The following TENM1 variants were observed in gnomAD, a reference collection of about 807,000 sequenced individuals.
The protein encoded by TENM1 is teneurin transmembrane protein 1, also known as teneurin-1.
In TENM1, 35 loss-of-function variants were observed where a neutral mutation model predicts 174.8. The ratio of observed to expected loss-of-function variants is 0.20; its 90% CI spans 0.15 to 0.27. The LOEUF (loss-of-function observed/expected upper bound fraction) is 0.27. TENM1 is among the 10% of genes least tolerant of loss of function. The probability of loss-of-function intolerance (pLI) is 1.00; values close to 1 mark genes in which losing one functional copy is unlikely to be tolerated. For missense variants in TENM1, 1,633 were observed against 2,130.1 expected (o/e 0.77, Z 4.59); for synonymous variants, 781 against 798.7 (o/e 0.98, Z 0.37).
chrX:125,084,206 G>C, the TENM1 span, among the ~76,000 whole-genome samples: 7 of 109,338 alleles, frequency 6.4e-5, no homozygotes, highest in Non-Finnish European at 1.3e-4. Flanking sequence ...ATTATGCACT[G>C]GCTACCAGGG....
chrX:124,742,673 A>G (rs1424458830), intron 3 of TENM1, among the ~76,000 whole-genome samples: 1 of 110,991 alleles, frequency 9.0e-6, no homozygotes, highest in Non-Finnish European at 1.9e-5. Context: ...CCTTTGTAAA[A>G]TTTGAAAAAT....
the TENM1 span, among the ~76,000 whole-genome samples, chrX:125,201,959 A>G: frequency 4.5e-4 from 50 of 111,462 alleles, no homozygotes; most frequent in African/African-American, 1.3e-3. Flanking sequence ...CGTTGCAGAT[A>G]TGAAGAGCAA....
At chrX:124,450,324 C>T (rs1168781135) in intron 23 of TENM1, among the ~76,000 whole-genome samples, 1 of 103,100 alleles carries the variant, frequency 9.7e-6, no homozygotes, top group African/African-American at 3.6e-5. Flanking sequence ...TGCGCCACTG[C>T]ACTCCCGCCT....
intron 11 of TENM1, among the ~76,000 whole-genome samples, chrX:124,582,814 C>T (rs768277315): frequency 2.7e-5 from 3 of 111,940 alleles, no homozygotes; most frequent in Non-Finnish European, 3.8e-5. Flanking sequence ...CCTGGAAAAT[C>T]GGGTCACTCC....
Position 124,463,418 on chromosome X carries a change from T to C in TENM1, c.3950-9927A>G, listed in dbSNP as rs1037649750. 4.5e-5 allele frequency among the ~76,000 whole-genome samples: 5 copies of C among 111,998 alleles called. 1 individual carries two copies. The Admixed American group carries it at 4.7e-4, about 11-fold the overall frequency. On this transcript the variant is annotated intron_variant, in intron 22 of 31. Transcript: ENST00000422452. ...GCCTAGTTATTGCTATAATTCTTTC[T>C]GACAGTGACTTTTCTAAGCCTAGAA...
At chrX:124,551,520 A>C (rs2048570183) in intron 14 of TENM1, among the ~76,000 whole-genome samples, 1 of 90,936 alleles carries the variant, frequency 1.1e-5, no homozygotes, top group South Asian at 5.4e-4. Flanking sequence ...TTCTTAACAC[A>C]CACACACCCA....
intron 9 of TENM1, among the ~76,000 whole-genome samples, chrX:124,645,713 A>C (rs1356428053): frequency 3.6e-5 from 4 of 112,337 alleles, no homozygotes. Context: ...GAAGTTATTA[A>C]TGTTATAAAA....
intron 1 of TENM1, among the ~76,000 whole-genome samples, chrX:124,939,827 T>C (rs1258293246): frequency 8.9e-6 from 1 of 112,329 alleles, no homozygotes; most frequent in African/African-American, 3.2e-5. Context: ...AGGTGTCAGC[T>C]ATTCAGACTT....
chrX:124,402,606 G>A (rs962275543), intron 27 of TENM1, among the ~76,000 whole-genome samples: 1 of 112,198 alleles, frequency 8.9e-6, no homozygotes, highest in African/African-American at 3.2e-5. Flanking sequence ...ATGGAGGACA[G>A]AAAACAGGAT....
exon 28 of TENM1, chrX:124,392,230 A>G: frequency 8.3e-7 from 1 of 1,210,871 alleles, no homozygotes; most frequent in South Asian, 1.8e-5. Flanking sequence ...AGACCACAGA[A>G]TGGGTCGCCC....
intron 3 of TENM1, among the ~76,000 whole-genome samples, chrX:124,836,953 T>G (rs971209433): frequency 8.9e-6 from 1 of 112,129 alleles, no homozygotes; most frequent in Non-Finnish European, 1.9e-5. Context: ...AATGTCAGTT[T>G]GTTAACCCCA....
At chrX:125,163,001 A>T in the TENM1 span, among the ~76,000 whole-genome samples, 3 of 111,570 alleles carry the variant, frequency 2.7e-5, no homozygotes, top group African/African-American at 9.8e-5. Context: ...CACTCTCAGT[A>T]TTCCAGCTTC....
At chrX:124,841,364 T>C (rs2056495952) in intron 3 of TENM1, among the ~76,000 whole-genome samples, 1 of 111,542 alleles carries the variant, frequency 9.0e-6, no homozygotes. Flanking sequence ...GCTACAATAC[T>C]TAGGGAGCTT....
the TENM1 span, among the ~76,000 whole-genome samples, chrX:125,191,522 T>G: frequency 1.8e-5 from 2 of 110,719 alleles, no homozygotes; most frequent in Admixed American, 9.6e-5. Flanking sequence ...ATGGTCAGAG[T>G]AGGCCACTAT....
chrX:124,574,804 T>C (rs1236925959), intron 11 of TENM1, among the ~76,000 whole-genome samples: 1 of 111,200 alleles, frequency 9.0e-6, no homozygotes, highest in Non-Finnish European at 1.9e-5. Flanking sequence ...CTGAAAAAAA[T>C]TTTGGTGTAC....
At chrX:124,893,069 A>G (rs1420203216) in intron 3 of TENM1, among the ~76,000 whole-genome samples, 1 of 111,550 alleles carries the variant, frequency 9.0e-6, no homozygotes, top group African/African-American at 3.3e-5. Context: ...ACTCAAACCA[A>G]CTCCTCAAGG....
At chrX:125,103,914 C>T in the TENM1 span, among the ~76,000 whole-genome samples, 1 of 111,723 alleles carries the variant, frequency 9.0e-6, no homozygotes, top group African/African-American at 3.3e-5. Flanking sequence ...CACTTGAACC[C>T]GGAAGGCGGA....
exon 28 of TENM1, chrX:124,392,208 T>C: frequency 8.3e-7 from 1 of 1,211,722 alleles, no homozygotes; most frequent in South Asian, 1.8e-5. Context: ...CTTCATTATA[T>C]CTGCTTACAG....
At chrX:124,448,497 C>A (rs1450353893) in intron 23 of TENM1, among the ~76,000 whole-genome samples, 1 of 111,670 alleles carries the variant, frequency 9.0e-6, no homozygotes, top group African/African-American at 3.3e-5. Flanking sequence ...TGCTTAATAC[C>A]ATTTTAAAAA....
Sources: gnomAD v4.1 joint callset for allele counts (sites outside exome capture counted in the v4.1 genomes callset) on GRCh38, gnomAD v4.1.1 for gene constraint, MANE v1.5 for transcripts, NCBI Gene and HGNC (gene_info 2026-07-23, HGNC 2026-07-21) for gene names.